Variants in CDC42SE2 observed in about 807,000 individuals in gnomAD.
The protein encoded by CDC42SE2 is CDC42 small effector protein 2.
CDC42SE2 carries 3 observed loss-of-function variants against 11.5 expected under a neutral mutation model. The ratio of observed to expected loss-of-function variants is 0.26; its 90% CI spans 0.12 to 0.67. The LOEUF (loss-of-function observed/expected upper bound fraction) is 0.67. Among genes scored for constraint, CDC42SE2 ranks in the 30% least tolerant of loss-of-function variants. The pLI, the probability that CDC42SE2 is intolerant of heterozygous loss-of-function variation, is 0.80. For missense variants in CDC42SE2, 82 were observed against 106.8 expected (o/e 0.77, Z 1.02); for synonymous variants, 33 against 34.8 (o/e 0.95, Z 0.18).
chr5:131,309,380 T>G (rs1561579587), intron 1 of CDC42SE2, among the ~76,000 whole-genome samples: 2 of 152,178 alleles, frequency 1.3e-5, no homozygotes, highest in Non-Finnish European at 2.9e-5. Flanking sequence ...GCATCAATAT[T>G]CATCAAGGAT....
chr5:131,337,727 T>C (rs1451759095), intron 2 of CDC42SE2, among the ~76,000 whole-genome samples: 6 of 152,228 alleles, frequency 3.9e-5, no homozygotes, highest in Non-Finnish European at 7.3e-5. Context: ...ACTGCTGTGC[T>C]AGCAATGAGC....
chr5:131,312,888 A>T (rs1466962609), intron 1 of CDC42SE2, among the ~76,000 whole-genome samples: 1 of 152,084 alleles, frequency 6.6e-6, no homozygotes, highest in African/African-American at 2.4e-5. Context: ...GAAATGCAGA[A>T]ATCACCCGTC....
intron 2 of CDC42SE2, among the ~76,000 whole-genome samples, chr5:131,357,944 C>A (rs1229586215): frequency 6.6e-6 from 1 of 152,192 alleles, no homozygotes; most frequent in Admixed American, 6.5e-5. Context: ...GTTAATACTG[C>A]CACCCACTTT....
At chr5:131,381,803 T>C (rs1750335359) in intron 3 of CDC42SE2, among the ~76,000 whole-genome samples, 1 of 152,274 alleles carries the variant, frequency 6.6e-6, no homozygotes, top group Admixed American at 6.5e-5. Flanking sequence ...AATCATGTTA[T>C]TCCTCTGCTT....
At chr5:131,272,258 T>A (rs1757009224) in intron 1 of CDC42SE2, among the ~76,000 whole-genome samples, 1 of 151,968 alleles carries the variant, frequency 6.6e-6, no homozygotes, top group African/African-American at 2.4e-5. Context: ...TGACCTCAAG[T>A]GATCCACCTG....
At chr5:131,389,255 G>A (rs1315143249) in intron 4 of CDC42SE2, among the ~76,000 whole-genome samples, 1 of 152,156 alleles carries the variant, frequency 6.6e-6, no homozygotes, top group Non-Finnish European at 1.5e-5. Flanking sequence ...ACCATAAAGG[G>A]GAAGATGACG....
At chr5:131,319,301 G>T (rs1758112254) in intron 2 of CDC42SE2, among the ~76,000 whole-genome samples, 1 of 152,144 alleles carries the variant, frequency 6.6e-6, no homozygotes, top group Non-Finnish European at 1.5e-5. Flanking sequence ...GTATGGAATG[G>T]AATTCGAAAC....
intron 1 of CDC42SE2, among the ~76,000 whole-genome samples, chr5:131,313,326 C>T (rs1757971665): frequency 6.6e-6 from 1 of 152,074 alleles, no homozygotes; most frequent in African/African-American, 2.4e-5. Flanking sequence ...ATTTCTGAGG[C>T]TTATCTTTCA....
rs373038861 is a variant in CDC42SE2 at position 131,314,538 on chromosome 5, G to A, written c.-454-1438G>A. 1.4e-4 allele frequency among the ~76,000 whole-genome samples: 21 copies of A among 152,150 alleles called. No homozygotes were observed. In the East Asian group the frequency reaches 1.7e-3, roughly 13 times the overall value. On this transcript the variant is annotated intron_variant, in intron 1 of 4. Transcript: ENST00000505065. ...TTATACATATGAGCCACCGTGCCTG[G>A]CTTCTGATTATTCTTTGTACAAGTG...
In CDC42SE2 at chr5:131,342,389, T is replaced by TC. The variant is rs529742609; in HGVS notation, c.-285-16820_-285-16819insC. On this transcript the variant is annotated intron_variant, in intron 2 of 4. Transcript: ENST00000505065. ...CAGAGATTTGCCATTTTTAATAGTCTTTTTTTTTTTTTTTTTTTAAGATAG... is the reference window on the plus strand; with the variant it reads ...CAGAGATTTGCCATTTTTAATAGTCTCTTTTTTTTTTTTTTTTTTAAGATAG... 1.3e-4 allele frequency among the ~76,000 whole-genome samples: 8 copies of TC among 62,404 alleles called. No individual in the cohort carries two copies. The South Asian group carries it at 3.1e-3, about 24-fold the overall frequency. 40.9% of individuals were successfully genotyped at this position (62,404 alleles called of 152,430 possible). A position where few individuals can be genotyped will look rare whatever the true frequency, so the allele number is the denominator to read the frequency against.
rs1750696087 is a variant in CDC42SE2, at chr5:131,392,650, G to T, written c.*1559G>T. 1 of 152,332 alleles carries T rather than the reference G, an allele frequency of 6.6e-6. No homozygotes were observed. Among genetic ancestry groups the T allele is most frequent in the Admixed American group, 6.5e-5 (1 of 15,272 alleles). 9.4% of individuals were successfully genotyped at this position (152,332 alleles called of 1,614,324 possible). A position where few individuals can be genotyped will look rare whatever the true frequency, so the allele number is the denominator to read the frequency against. ...TGGTTGTAAACAGGTGTGGTTACAG[G>T]TGTGGTTATGTATCTGAGTGTTGCG... On this transcript the variant is annotated 3_prime_UTR_variant, in exon 5 of 5. Transcript: ENST00000505065.
chr5:131,353,051 G>A (rs1207261411), intron 2 of CDC42SE2, among the ~76,000 whole-genome samples: 1 of 151,882 alleles, frequency 6.6e-6, no homozygotes, highest in Non-Finnish European at 1.5e-5. Context: ...CTGCAGCCTC[G>A]ACTTCCTGGG....
intron 1 of CDC42SE2, among the ~76,000 whole-genome samples, chr5:131,270,698 A>G (rs773036944): frequency 1.5e-4 from 23 of 152,216 alleles, no homozygotes; most frequent in Non-Finnish European, 3.2e-4. Context: ...TTTAGGTAAC[A>G]AAAAGTCTTC....
intron 2 of CDC42SE2, among the ~76,000 whole-genome samples, chr5:131,349,617 A>G (rs886948010): frequency 6.6e-6 from 1 of 152,202 alleles, no homozygotes; most frequent in Non-Finnish European, 1.5e-5. Flanking sequence ...TCAAGGGTCA[A>G]CTGTATATGA....
At chr5:131,369,230 A>G (rs186333271) in intron 3 of CDC42SE2, among the ~76,000 whole-genome samples, 115 of 152,318 alleles carry the variant, frequency 7.5e-4, no homozygotes, top group South Asian at 6.4e-3. Flanking sequence ...TGGTATATTT[A>G]TAAGATTGAT....
At chr5:131,390,605 G>T (rs1204217394) in intron 4 of CDC42SE2, among the ~76,000 whole-genome samples, 1 of 151,970 alleles carries the variant, frequency 6.6e-6, no homozygotes, top group Non-Finnish European at 1.5e-5. Flanking sequence ...AACCTGGGAG[G>T]TGGAGGTTGC....
chr5:131,358,289 A>C (rs1206644077), intron 2 of CDC42SE2, among the ~76,000 whole-genome samples: 1 of 152,132 alleles, frequency 6.6e-6, no homozygotes, highest in African/African-American at 2.4e-5. Flanking sequence ...AAAGAGGGAG[A>C]TATGTTGCCT....
chr5:131,337,278 C>T (rs1040102400), intron 2 of CDC42SE2, among the ~76,000 whole-genome samples: 3 of 152,174 alleles, frequency 2.0e-5, no homozygotes, highest in African/African-American at 7.2e-5. Flanking sequence ...GGCTGCAGAA[C>T]AGCGGATATT....
At chr5:131,324,846 G>T (rs1412127832) in intron 2 of CDC42SE2, among the ~76,000 whole-genome samples, 1 of 152,122 alleles carries the variant, frequency 6.6e-6, no homozygotes, top group Non-Finnish European at 1.5e-5. Flanking sequence ...TCTTGGTGAA[G>T]TCCAGACGTT....
Sources: gnomAD v4.1 joint callset for allele counts (sites outside exome capture counted in the v4.1 genomes callset) on GRCh38, gnomAD v4.1.1 for gene constraint, MANE v1.5 for transcripts, NCBI Gene and HGNC (gene_info 2026-07-23, HGNC 2026-07-21) for gene names.